ADAT2: variants seen among roughly 807,000 people sequenced by gnomAD.
ADAT2 encodes tRNA-specific adenosine-34 deaminase catalytic subunit ADAT2.
ADAT2 carries 26 observed loss-of-function variants against 25.9 expected under a neutral mutation model. The observed-to-expected ratio is 1.00, with a 90% confidence interval of 0.74 to 1.39. The LOEUF (loss-of-function observed/expected upper bound fraction) is 1.39. ADAT2 is among the 40% of genes most tolerant of loss of function. The pLI is 0.00. For missense variants in ADAT2, 220 were observed against 244.8 expected, an observed-to-expected ratio of 0.90 and a Z score of 0.68; for synonymous variants, 76 against 86.8, an observed-to-expected ratio of 0.88 and a Z score of 0.69.
rs1778843809 is a variant in ADAT2, at chr6:143,423,650, T to A, written c.*4813A>T. ...GAATACAACCAGAACATGTGGGGGT[T>A]TATAACTAATGGGCAGAGTGAGGGG... is the stretch of plus-strand genomic sequence containing the variant. On this transcript the variant is annotated 3_prime_UTR_variant, in exon 6 of 6. Coordinates refer to ENST00000237283, the MANE Select transcript of ADAT2 (RefSeq NM_182503.3). The A allele has an allele frequency of 1.3e-5, 2 of 152,132 alleles. No homozygotes were observed. The highest frequency in any genetic ancestry group is 4.8e-5 in the African/African-American group (2 of 41,412). 9.4% of individuals were successfully genotyped at this position (152,132 alleles called of 1,614,324 possible). A position where few individuals can be genotyped will look rare whatever the true frequency, so the allele number is the denominator to read the frequency against.
In ADAT2 at chr6:143,437,090, AC is replaced by A. The variant is rs1562640588; in HGVS notation, c.201+1499del. Among the ~76,000 whole-genome samples, 1 of 152,158 alleles carries A rather than the reference AC, an allele frequency of 6.6e-6. No homozygotes were observed. The highest frequency in any genetic ancestry group is 1.5e-5 in the Non-Finnish European group (1 of 68,022). On this transcript the variant is annotated intron_variant, in intron 2 of 5. Coordinates refer to ENST00000237283, the MANE Select transcript of ADAT2 (RefSeq NM_182503.3). The surrounding 1 kb of genome is among the most constrained non-coding windows in gnomAD (Gnocchi z 4.1). ...ATAAAAAAGTTTTTTTGGGGGGCTG[AC>A]ATATTAACTACAGATTTTCTATGCA...
chr6:143,438,186 G>C (rs990621086), intron 2 of ADAT2, among the ~76,000 whole-genome samples: 2 of 152,144 alleles, frequency 1.3e-5, no homozygotes, highest in African/African-American at 4.8e-5. Flanking sequence ...AATGTATTAT[G>C]AGTTAAATTG....
chr6:143,436,239 C>A lies in ADAT2; in HGVS notation c.202-2258G>T. ...AGAAGGCCCTGACAGTGGCTGAACT[C>A]CCCCAGCAGATGTCTGATGCTAAGA... is the stretch of plus-strand genomic sequence containing the variant. On this transcript the variant is annotated intron_variant, in intron 2 of 5. Coordinates refer to ENST00000237283, the MANE Select transcript of ADAT2 (RefSeq NM_182503.3). The surrounding 1 kb of genome is among the most constrained non-coding windows in gnomAD (Gnocchi z 4.1). 1 of 216,946 alleles carries A rather than the reference C, an allele frequency of 4.6e-6. No individual in the cohort carries two copies. The highest frequency in any genetic ancestry group is 8.1e-5 in the South Asian group (1 of 12,382). 13.4% of individuals were successfully genotyped at this position (216,946 alleles called of 1,614,324 possible).
At chr6:143,439,346 C>CAAAAAAAAAAAAA (rs35250658) in intron 1 of ADAT2, among the ~76,000 whole-genome samples, 2 of 111,554 alleles carry the variant, frequency 1.8e-5, no homozygotes, top group African/African-American at 3.3e-5. Flanking sequence ...TATGTGTCTA[C>CAAAAAAAAAAAAA]AAAAAAAAAA....
At position 143,425,369 on chromosome 6, in the gene ADAT2, A is replaced by G. The variant is rs1330989469; in HGVS notation, c.*3094T>C. 1.3e-5 allele frequency: 2 copies of G among 158,734 alleles called. No individual in the cohort carries two copies. The highest frequency in any genetic ancestry group is 2.7e-5 in the Non-Finnish European group (2 of 73,924). 9.8% of individuals were successfully genotyped at this position (158,734 alleles called of 1,614,324 possible). Reference sequence around the variant, plus strand: ...GTCTCTACAAAAAAAAAAAAAAAAAAAAATTAGGTGTGGTGACATGAGTCT... The same window carrying G: ...GTCTCTACAAAAAAAAAAAAAAAAAGAAATTAGGTGTGGTGACATGAGTCT... On this transcript the variant is annotated 3_prime_UTR_variant, in exon 6 of 6. Transcript: ENST00000237283.
chr6:143,424,189 CA>C lies in ADAT2; in HGVS notation c.*4273del, dbSNP rs1315970898. Reference sequence around the variant, plus strand: ...CTCACTACACAAAATTAGCAATTTACAAAGGAAATAGTTGGCAGTTGTCTTC... The same window carrying C: ...CTCACTACACAAAATTAGCAATTTACAAGGAAATAGTTGGCAGTTGTCTTC... On this transcript the variant is annotated 3_prime_UTR_variant, in exon 6 of 6. Coordinates refer to ENST00000237283, the MANE Select transcript of ADAT2 (RefSeq NM_182503.3). The surrounding 1 kb of genome is among the most constrained non-coding windows in gnomAD (Gnocchi z 4.8). 1 of 152,196 alleles carries C rather than the reference CA, an allele frequency of 6.6e-6. No homozygotes were observed. The highest frequency in any genetic ancestry group is 1.9e-4 in the East Asian group (1 of 5,200). The allele number at this position is 152,196 out of a possible 1,614,324, so 9.4% of individuals were successfully genotyped here.
chr6:143,447,389 A>T (rs1779627741), intron 1 of ADAT2, among the ~76,000 whole-genome samples: 1 of 152,210 alleles, frequency 6.6e-6, no homozygotes, highest in African/African-American at 2.4e-5. Context: ...AGCAACAGAA[A>T]TACCATGAGG....
intron 1 of ADAT2, among the ~76,000 whole-genome samples, chr6:143,445,947 T>C (rs1056056780): frequency 9.2e-5 from 14 of 152,286 alleles, no homozygotes; most frequent in Non-Finnish European, 4.4e-5. Flanking sequence ...GACTTTTTTC[T>C]AGAAAACTTG....
At chr6:143,430,314 T>G (rs1779069172) in intron 4 of ADAT2, among the ~76,000 whole-genome samples, 1 of 152,104 alleles carries the variant, frequency 6.6e-6, no homozygotes, top group African/African-American at 2.4e-5. Flanking sequence ...GAGAACCAGT[T>G]GGAACTCTCT....
intron 1 of ADAT2, among the ~76,000 whole-genome samples, chr6:143,448,258 G>T (rs1298270447): frequency 1.3e-5 from 2 of 151,994 alleles, no homozygotes; most frequent in African/African-American, 2.4e-5. Context: ...TCATGGGGTT[G>T]GGGGGAGAGG....
At position 143,434,159 on chromosome 6, in the gene ADAT2, C is replaced by A. The variant is rs541592541; in HGVS notation, c.202-178G>T. 8.9e-4 allele frequency among the ~76,000 whole-genome samples: 136 copies of A among 152,302 alleles called. No homozygotes were observed. Among genetic ancestry groups the A allele is most frequent in the South Asian group, 1.5e-3 (7 of 4,826 alleles). On this transcript the variant is annotated intron_variant, in intron 2 of 5. Coordinates refer to ENST00000237283, the MANE Select transcript of ADAT2 (RefSeq NM_182503.3). The surrounding 1 kb of genome is among the most constrained non-coding windows in gnomAD (Gnocchi z 4.5). ...TATTCCCCAATTCAAGTACCATAAC[C>A]TCACTTGCGAAAGATATCTAATCAG...
Position 143,446,795 on chromosome 6 carries a change from C to G in ADAT2, c.96+3768G>C, listed in dbSNP as rs1779611862. On this transcript the variant is annotated intron_variant, in intron 1 of 5. Transcript: ENST00000237283. This position sits in a 1 kb window ranked among gnomAD's most constrained non-coding sequence, Gnocchi z 5.0. Reference sequence around the variant, plus strand: ...GGAAGTTACTGAACTTTCTCAGCTTCAATATCCCATCTGAAAATGAGGACC... The same window carrying G: ...GGAAGTTACTGAACTTTCTCAGCTTGAATATCCCATCTGAAAATGAGGACC... Among the ~76,000 whole-genome samples, 1 of 151,996 alleles carries G rather than the reference C, an allele frequency of 6.6e-6. No individual in the cohort carries two copies. The highest frequency in any genetic ancestry group is 1.5e-5 in the Non-Finnish European group (1 of 67,992).
At chr6:143,439,937 G>C (rs1779409712) in intron 1 of ADAT2, among the ~76,000 whole-genome samples, 1 of 152,150 alleles carries the variant, frequency 6.6e-6, no homozygotes, top group African/African-American at 2.4e-5. Context: ...TATTCTCAAA[G>C]TTCCCTTTAT....
Position 143,436,083 on chromosome 6 carries a change from T to G in ADAT2, c.202-2102A>C, listed in dbSNP as rs994228621. On this transcript the variant is annotated intron_variant, in intron 2 of 5. Transcript: ENST00000237283. The surrounding 1 kb of genome is among the most constrained non-coding windows in gnomAD (Gnocchi z 4.1). ...TTTGTATATTGTTACATGATTTATATGAAAGAAAACTGTCTGGAAGAATAT... is the reference window on the plus strand; with the variant it reads ...TTTGTATATTGTTACATGATTTATAGGAAAGAAAACTGTCTGGAAGAATAT... 7.9e-5 allele frequency: 12 copies of G among 152,284 alleles called. No individual in the cohort carries two copies. Among genetic ancestry groups the G allele is most frequent in the Admixed American group, 7.8e-4 (12 of 15,288 alleles). 9.4% of individuals were successfully genotyped at this position (152,284 alleles called of 1,614,324 possible).
rs989789680 is a variant in ADAT2 at position 143,434,779 on chromosome 6, C to A, written c.202-798G>T. Among the ~76,000 whole-genome samples the A allele has an allele frequency of 6.6e-6, 1 of 152,080 alleles. No individual in the cohort carries two copies. The highest frequency in any genetic ancestry group is 2.4e-5 in the African/African-American group (1 of 41,392). Reference sequence around the variant, plus strand: ...CTTGTCTCCTTTTCTTTCTCCCTTACTAAAATAGCTTAAAGTGAATCATAG... The same window carrying A: ...CTTGTCTCCTTTTCTTTCTCCCTTAATAAAATAGCTTAAAGTGAATCATAG... On this transcript the variant is annotated intron_variant, in intron 2 of 5. Transcript: ENST00000237283. This position sits in a 1 kb window ranked among gnomAD's most constrained non-coding sequence, Gnocchi z 4.5.
chr6:143,428,236 A>G lies in ADAT2; in HGVS notation c.*227T>C, dbSNP rs1778997978. ...AAACCTCAAACCTTAATTTTCCCCC[A>G]TCTTAAAATGGGAATCAGCTTCTGG... On this transcript the variant is annotated 3_prime_UTR_variant, in exon 6 of 6. Transcript: ENST00000237283. The surrounding 1 kb of genome is among the most constrained non-coding windows in gnomAD (Gnocchi z 5.0). The G allele has an allele frequency of 1.7e-6, 1 of 578,694 alleles. No homozygotes were observed. The highest frequency in any genetic ancestry group is 1.9e-5 in the African/African-American group (1 of 53,338). The allele number at this position is 578,694 out of a possible 1,614,324, so 35.8% of individuals were successfully genotyped here.
rs1376600254 is a variant in ADAT2 at position 143,436,488 on chromosome 6, G to C, written c.201+2102C>G. On this transcript the variant is annotated intron_variant, in intron 2 of 5. Coordinates refer to ENST00000237283, the MANE Select transcript of ADAT2 (RefSeq NM_182503.3). The surrounding 1 kb of genome is among the most constrained non-coding windows in gnomAD (Gnocchi z 4.1). The stretch of plus-strand genomic sequence containing the variant: ...CCACCACTTTCATCAGTAACAACAC[G>C]GCCATCCAGGAGCTGCTCAGAGACG... 1.4e-5 allele frequency: 4 copies of C among 290,952 alleles called. No homozygotes were observed. Among genetic ancestry groups the C allele is most frequent in the African/African-American group, 8.9e-5 (4 of 44,774 alleles). The allele number at this position is 290,952 out of a possible 1,614,324, so 18.0% of individuals were successfully genotyped here. A position where few individuals can be genotyped will look rare whatever the true frequency, so the allele number is the denominator to read the frequency against.
At chr6:143,447,116 G>A (rs1354617381) in intron 1 of ADAT2, among the ~76,000 whole-genome samples, 1 of 152,216 alleles carries the variant, frequency 6.6e-6, no homozygotes, top group Non-Finnish European at 1.5e-5. Flanking sequence ...AGATCCTTTT[G>A]TAGTGATGGA....
rs7744361 is a variant in ADAT2, at chr6:143,442,708, A to G, written c.97-4014T>C. 0.28 allele frequency among the ~76,000 whole-genome samples: 42,829 copies of G among 152,174 alleles called. 6,278 individuals are homozygous for G. Among genetic ancestry groups the G allele is most frequent in the Admixed American group, 0.32 (4,900 of 15,294 alleles). On this transcript the variant is annotated intron_variant, in intron 1 of 5. Transcript: ENST00000237283. This position sits in a 1 kb window ranked among gnomAD's most constrained non-coding sequence, Gnocchi z 4.6. ...AAAATGAAAGTTAAAAAATAAGTACAGGTAAACAAAAAGGATTTTGCAATG... is the reference window on the plus strand; with the variant it reads ...AAAATGAAAGTTAAAAAATAAGTACGGGTAAACAAAAAGGATTTTGCAATG...
Sources: allele counts gnomAD v4.1 joint callset (sites outside exome capture counted in the v4.1 genomes callset), GRCh38; gene constraint gnomAD v4.1.1; non-coding constraint Gnocchi (gnomAD v3.1); transcripts MANE v1.5; gene names NCBI Gene and HGNC (gene_info 2026-07-23, HGNC 2026-07-21).